NRCAM: variants seen among roughly 807,000 people sequenced by gnomAD.
The protein encoded by NRCAM is NgCAM-related cell adhesion molecule.
In NRCAM, 83 loss-of-function variants were observed where a neutral mutation model predicts 156.5. The observed-to-expected ratio is 0.53, with a 90% CI of 0.44 to 0.64. The LOEUF is 0.64. NRCAM is among the 30% of genes least tolerant of loss of function. The probability of loss-of-function intolerance (pLI) is 0.00; values close to 1 mark genes in which losing one functional copy is unlikely to be tolerated. For synonymous variants in NRCAM, 538 were observed against 563.9 expected, an observed-to-expected ratio of 0.95 and a Z score of 0.65; for missense variants, 1,417 against 1,597.3, an observed-to-expected ratio of 0.89 and a Z score of 1.92.
intron 17 of NRCAM, among the ~76,000 whole-genome samples, chr7:108,193,772 T>G (rs773420496): frequency 6.6e-5 from 10 of 152,182 alleles, no homozygotes; most frequent in Non-Finnish European, 1.2e-4. Flanking sequence ...GAGGGTTTTT[T>G]CCCATCCTGA....
At chr7:108,419,834 C>T (rs1022288717) in intron 1 of NRCAM, among the ~76,000 whole-genome samples, 1 of 152,058 alleles carries the variant, frequency 6.6e-6, no homozygotes, top group Non-Finnish European at 1.5e-5. Context: ...GTTTTGATGT[C>T]GGGGTGAGGG....
chr7:108,390,144 G>T (rs968659979), intron 2 of NRCAM, among the ~76,000 whole-genome samples: 2 of 152,094 alleles, frequency 1.3e-5, no homozygotes, highest in African/African-American at 4.8e-5. Flanking sequence ...GCTCCTCCTT[G>T]TACCTCTGGT....
At chr7:108,378,753 CCAGA>C (rs1373247569) in intron 2 of NRCAM, among the ~76,000 whole-genome samples, 1 of 144,454 alleles carries the variant, frequency 6.9e-6, no homozygotes, top group Non-Finnish European at 1.5e-5. Flanking sequence ...AACCTCAGAG[CCAGA>C]CAAAGCAGTG....
At chr7:108,171,877 C>T (rs955803416) in intron 28 of NRCAM, among the ~76,000 whole-genome samples, 3 of 152,036 alleles carry the variant, frequency 2.0e-5, no homozygotes, top group Non-Finnish European at 4.4e-5. Flanking sequence ...GTTTTGTTTT[C>T]GTATAGGCCA....
chr7:108,426,662 C>T (rs961182450), intron 1 of NRCAM, among the ~76,000 whole-genome samples: 1 of 152,206 alleles, frequency 6.6e-6, no homozygotes, highest in Non-Finnish European at 1.5e-5. Context: ...TTGGCCTGAA[C>T]AAAGGGCACA....
intron 13 of NRCAM, among the ~76,000 whole-genome samples, chr7:108,206,597 G>C (rs911273030): frequency 1.3e-5 from 2 of 152,166 alleles, no homozygotes; most frequent in African/African-American, 4.8e-5. Context: ...AGTAGCTGGT[G>C]GTGGGTGGGG....
intron 2 of NRCAM, among the ~76,000 whole-genome samples, chr7:108,328,193 A>G (rs17155456): frequency 0.01 from 1,550 of 152,322 alleles, 27 homozygotes; most frequent in African/African-American, 0.034. Context: ...TAAACAAGCT[A>G]TGTGAAACAA....
intron 2 of NRCAM, among the ~76,000 whole-genome samples, chr7:108,356,676 G>A (rs1348873371): frequency 6.6e-6 from 1 of 152,170 alleles, no homozygotes; most frequent in Non-Finnish European, 1.5e-5. Context: ...CAGGTGGCTT[G>A]ACTTATATTA....
At chr7:108,404,290 C>T (rs2099801376) in intron 1 of NRCAM, among the ~76,000 whole-genome samples, 1 of 152,186 alleles carries the variant, frequency 6.6e-6, no homozygotes, top group East Asian at 1.9e-4. Flanking sequence ...ACTTTTCCTT[C>T]AACAACTGGT....
intron 28 of NRCAM, among the ~76,000 whole-genome samples, chr7:108,172,414 G>A (rs766713222): frequency 5.3e-4 from 81 of 152,088 alleles, no homozygotes; most frequent in Middle Eastern, 3.4e-3. Flanking sequence ...TCCTGCCTCC[G>A]CCTCCCGGGC....
intron 1 of NRCAM, among the ~76,000 whole-genome samples, chr7:108,453,454 G>A (rs1852832789): frequency 6.6e-6 from 1 of 152,086 alleles, no homozygotes; most frequent in Admixed American, 6.5e-5. Context: ...AAGATGCTTT[G>A]CTTTCTATTC....
intron 11 of NRCAM, among the ~76,000 whole-genome samples, chr7:108,221,264 T>C (rs183730693): frequency 7.2e-5 from 11 of 152,304 alleles, no homozygotes; most frequent in Admixed American, 5.9e-4. Context: ...TGTAAACTAG[T>C]ACAGCCCCTA....
intron 1 of NRCAM, among the ~76,000 whole-genome samples, chr7:108,451,574 GGATA>G (rs1419813431): frequency 6.6e-6 from 1 of 152,054 alleles, no homozygotes; most frequent in Non-Finnish European, 1.5e-5. Context: ...ACATATGAAT[GGATA>G]AACAAAATGT....
intron 3 of NRCAM, among the ~76,000 whole-genome samples, chr7:108,304,808 A>G (rs1197825151): frequency 6.6e-6 from 1 of 152,080 alleles, no homozygotes; most frequent in Non-Finnish European, 1.5e-5. Flanking sequence ...TCCATTATGT[A>G]CTCTTTGTAA....
chr7:108,338,578 C>A, intron 2 of NRCAM, among the ~76,000 whole-genome samples: 1 of 148,250 alleles, frequency 6.7e-6, no homozygotes, highest in East Asian at 2.0e-4. Context: ...GAGTGAGACA[C>A]AGAGAGAGGG....
chr7:108,389,985 G>A (rs1009266245), intron 2 of NRCAM, among the ~76,000 whole-genome samples: 8 of 151,990 alleles, frequency 5.3e-5, no homozygotes, highest in Non-Finnish European at 7.4e-5. Context: ...TTTTTTCACC[G>A]ACATTCATCG....
At chr7:108,159,332 T>C (rs190948277) in intron 32 of NRCAM, 131 bp downstream of exon 32, 3 of 804,240 alleles carry the variant, frequency 3.7e-6, no homozygotes, top group Non-Finnish European at 6.6e-6. Flanking sequence ...CACTGATACA[T>C]GGAAGTATCC....
At chr7:108,342,014 T>C (rs1050105771) in intron 2 of NRCAM, among the ~76,000 whole-genome samples, 7 of 152,234 alleles carry the variant, frequency 4.6e-5, no homozygotes, top group African/African-American at 1.7e-4. Context: ...TGACTCTCGA[T>C]TCTTTTTTGC....
In NRCAM at chr7:108,184,207, A is replaced by T. The variant is rs748777848; in HGVS notation, c.2304+34T>A. ...AAACAACTTTTTTTTCACTCTAAAA[A>T]ATAGCGAATAAATTTGAAGGCATCA... On this transcript the variant is annotated intron_variant, in intron 22 of 32. Transcript: ENST00000379028. 1.3e-5 allele frequency: 21 copies of T among 1,567,400 alleles called. No individual in the cohort carries two copies. In the Middle Eastern group the frequency reaches 8.3e-4, roughly 62 times the overall value.
Sources: gnomAD v4.1 joint callset for allele counts (sites outside exome capture counted in the v4.1 genomes callset) on GRCh38, gnomAD v4.1.1 for gene constraint, MANE v1.5 for transcripts, NCBI Gene and HGNC (gene_info 2026-07-23, HGNC 2026-07-21) for gene names.